The following TPRG1 variants were observed in gnomAD, a reference collection of about 807,000 sequenced individuals.
The protein encoded by TPRG1 is tumor protein p63-regulated gene 1 protein.
TPRG1 carries 29 observed loss-of-function variants against 29.3 expected under a neutral mutation model. That is an observed-to-expected ratio of 0.99 (90% CI 0.74 to 1.35). The LOEUF (loss-of-function observed/expected upper bound fraction) is 1.35. Ranked by LOEUF, TPRG1 falls within the 40% of genes most tolerant of loss-of-function variation. TPRG1 has a pLI of 0.00. For missense variants in TPRG1, 327 were observed against 335.0 expected (o/e 0.98, Z 0.19); for synonymous variants, 130 against 116.8 (o/e 1.11, Z -0.73).
At chr3:189,025,231 G>A (rs1250434521) in intron 4 of TPRG1, among the ~76,000 whole-genome samples, 1 of 152,166 alleles carries the variant, frequency 6.6e-6, no homozygotes, top group Non-Finnish European at 1.5e-5. Context: ...GGGCTCATGA[G>A]GGGATATCCT....
chr3:189,269,483 G>C (rs988749793), intron 4 of TPRG1, among the ~76,000 whole-genome samples: 1 of 152,172 alleles, frequency 6.6e-6, no homozygotes, highest in South Asian at 2.1e-4. Context: ...GAAGAGGCAT[G>C]TTCAAGAAAT....
At chr3:189,204,329 C>CT (rs79840871) in intron 1 of TPRG1, among the ~76,000 whole-genome samples, 8,870 of 152,156 alleles carry the variant, frequency 0.058, 657 homozygotes, top group African/African-American at 0.17. Flanking sequence ...TAGAAGAGCA[C>CT]TTACTATTGA....
In TPRG1 at chr3:189,225,036, A is replaced by T. The variant is rs1737516655; in HGVS notation, c.302+9653A>T. On this transcript the variant is annotated intron_variant, in intron 3 of 5. Transcript: ENST00000345063. Reference sequence around the variant, plus strand: ...AAGCTCTGCCTCCTGGGTTCACGCCATTCTCCTGCCTCAGCCTCCCAAGTA... The same window carrying T: ...AAGCTCTGCCTCCTGGGTTCACGCCTTTCTCCTGCCTCAGCCTCCCAAGTA... 5.4e-5 allele frequency among the ~76,000 whole-genome samples: 8 copies of T among 147,746 alleles called. No individual in the cohort carries two copies. The South Asian group carries it at 1.7e-3, about 31-fold the overall frequency.
intron 3 of TPRG1, among the ~76,000 whole-genome samples, chr3:189,230,980 G>T (rs1297310539): frequency 2.0e-5 from 3 of 152,172 alleles, no homozygotes; most frequent in Middle Eastern, 3.4e-3. Flanking sequence ...TCTCTGGCTA[G>T]GGTATCTAAA....
chr3:189,126,112 G>A (rs1722459045), intron 1 of TPRG1, among the ~76,000 whole-genome samples: 1 of 151,900 alleles, frequency 6.6e-6, no homozygotes, highest in African/African-American at 2.4e-5. Flanking sequence ...CCTGGAAGTG[G>A]GACTTTACTG....
chr3:189,012,119 T>G, intron 3 of TPRG1, among the ~76,000 whole-genome samples: 1 of 152,184 alleles, frequency 6.6e-6, no homozygotes, highest in Non-Finnish European at 1.5e-5. Flanking sequence ...TTAAATATGC[T>G]TTATTTCTTT....
chr3:189,003,733 T>C (rs138350237), intron 2 of TPRG1, among the ~76,000 whole-genome samples: 771 of 152,320 alleles, frequency 5.1e-3, no homozygotes, highest in Non-Finnish European at 8.5e-3. Flanking sequence ...TGAGAAGTCA[T>C]TCCTGATCCT....
At chr3:189,064,565 G>A (rs1716314442) in intron 4 of TPRG1, among the ~76,000 whole-genome samples, 1 of 152,026 alleles carries the variant, frequency 6.6e-6, no homozygotes. Flanking sequence ...AATGAGAAAT[G>A]ATAGACAAAG....
At chr3:189,104,752 G>A (rs542031437) in intron 1 of TPRG1, among the ~76,000 whole-genome samples, 1 of 151,690 alleles carries the variant, frequency 6.6e-6, no homozygotes, top group Non-Finnish European at 1.5e-5. Context: ...CTATTAATGT[G>A]TGCATTTTCT....
At chr3:189,217,659 G>T (rs1203024636) in intron 3 of TPRG1, among the ~76,000 whole-genome samples, 1 of 152,136 alleles carries the variant, frequency 6.6e-6, no homozygotes, top group Non-Finnish European at 1.5e-5. Flanking sequence ...AAACCTCATC[G>T]TGGGTTCCGA....
intron 5 of TPRG1, chr3:189,151,059 C>G (rs986731757): frequency 6.6e-6 from 1 of 152,182 alleles, no homozygotes; most frequent in Non-Finnish European, 1.5e-5. Context: ...AGGTACCCCC[C>G]AAAAGCCTCC....
chr3:189,017,464 G>A (rs2152123803), intron 3 of TPRG1, among the ~76,000 whole-genome samples: 1 of 152,192 alleles, frequency 6.6e-6, no homozygotes, highest in East Asian at 1.9e-4. Context: ...CCACCTATGA[G>A]TGAGAATATG....
intron 4 of TPRG1, among the ~76,000 whole-genome samples, chr3:189,306,147 G>C (rs906116478): frequency 1.3e-5 from 2 of 152,140 alleles, no homozygotes; most frequent in Non-Finnish European, 2.9e-5. Flanking sequence ...ACCCTGCATA[G>C]AGAATGTGCT....
chr3:189,322,235 T>A lies in TPRG1; in HGVS notation c.*1415T>A, dbSNP rs1466165070. The A allele has an allele frequency of 6.6e-6, 1 of 152,170 alleles. No individual in the cohort carries two copies. Among genetic ancestry groups the A allele is most frequent in the Non-Finnish European group, 1.5e-5 (1 of 68,006 alleles). The allele number at this position is 152,170 out of a possible 1,614,324, so 9.4% of individuals were successfully genotyped here. On this transcript the variant is annotated 3_prime_UTR_variant, in exon 6 of 6. Coordinates refer to ENST00000345063, the MANE Select transcript of TPRG1 (RefSeq NM_198485.4). ...TTTGACTTTTATGTGAAGTTTAAAG[T>A]CTTTTCTTTGAAAAGCTTGCTTCCT...
chr3:189,143,874 G>T (rs1443260532), intron 3 of TPRG1, among the ~76,000 whole-genome samples: 1 of 152,246 alleles, frequency 6.6e-6, no homozygotes, highest in East Asian at 1.9e-4. Flanking sequence ...TGGAAGACTG[G>T]GGGCTTGAAG....
intron 4 of TPRG1, among the ~76,000 whole-genome samples, chr3:189,265,882 T>G (rs1306794366): frequency 6.6e-6 from 1 of 152,176 alleles, no homozygotes; most frequent in African/African-American, 2.4e-5. Flanking sequence ...ACATTTGGCC[T>G]TCTTCTACCA....
intron 3 of TPRG1, chr3:189,219,879 C>A: frequency 1.8e-6 from 1 of 545,856 alleles, no homozygotes; most frequent in Non-Finnish European, 2.3e-6. Flanking sequence ...ATTATTCCCC[C>A]AACTCCACCT....
At chr3:189,183,149 A>G (rs1414002257) in intron 1 of TPRG1, among the ~76,000 whole-genome samples, 1 of 152,206 alleles carries the variant, frequency 6.6e-6, no homozygotes, top group Non-Finnish European at 1.5e-5. Context: ...AAAGGGACAG[A>G]GTACAAAAGA....
intron 4 of TPRG1, among the ~76,000 whole-genome samples, chr3:189,050,438 TA>T (rs1185702682): frequency 6.6e-6 from 1 of 152,138 alleles, no homozygotes; most frequent in Non-Finnish European, 1.5e-5. Flanking sequence ...TTTGAAATGG[TA>T]ATTTAAAAAT....
Sources: gnomAD v4.1 joint callset for allele counts (sites outside exome capture counted in the v4.1 genomes callset) on GRCh38, gnomAD v4.1.1 for gene constraint, MANE v1.5 for transcripts, NCBI Gene and HGNC (gene_info 2026-07-23, HGNC 2026-07-21) for gene names.